The following CNTNAP5 variants were observed in gnomAD, a reference collection of about 807,000 sequenced individuals.
CNTNAP5 encodes contactin-associated protein-like 5.
In CNTNAP5, 72 loss-of-function variants were observed where a neutral mutation model predicts 150.2. That is an observed-to-expected ratio of 0.48 (90% CI 0.40 to 0.58). CNTNAP5 has a LOEUF of 0.58. Among genes scored for constraint, CNTNAP5 ranks in the 20% least tolerant of loss-of-function variants. The probability of loss-of-function intolerance (pLI) is 0.00; values close to 1 mark genes in which losing one functional copy is unlikely to be tolerated. For synonymous variants in CNTNAP5, 672 were observed against 619.8 expected, an observed-to-expected ratio of 1.08 and a Z score of -1.25; for missense variants, 1,636 against 1,626.2, an observed-to-expected ratio of 1.01 and a Z score of -0.10.
chr2:124,190,421 T>C lies in CNTNAP5; in HGVS notation c.83-31284T>C, dbSNP rs571483121. Among the ~76,000 whole-genome samples, 86 of 152,286 alleles carry C rather than the reference T, an allele frequency of 5.6e-4. 1 individual carries two copies. The South Asian group carries it at 0.017, about 29-fold the overall frequency. On this transcript the variant is annotated intron_variant, in intron 1 of 23. Coordinates refer to ENST00000682447, the MANE Select transcript of CNTNAP5 (RefSeq NM_001367498.1). ...TTTCCACTTACACACTTTTTCCCTG[T>C]GTGAGTTGAGGACTCAACTGGCAGA... is the stretch of plus-strand genomic sequence containing the variant.
At chr2:124,036,584 A>G (rs532724849) in intron 1 of CNTNAP5, among the ~76,000 whole-genome samples, 2 of 152,190 alleles carry the variant, frequency 1.3e-5, no homozygotes, top group South Asian at 4.1e-4. Context: ...TTCTGCAACA[A>G]TCAGGAACCC....
At chr2:124,845,725 A>G (rs1382659786) in intron 19 of CNTNAP5, among the ~76,000 whole-genome samples, 3 of 151,948 alleles carry the variant, frequency 2.0e-5, no homozygotes, top group Non-Finnish European at 4.4e-5. Flanking sequence ...ACGGTTGTGT[A>G]TTTCCAGGAA....
intron 1 of CNTNAP5, among the ~76,000 whole-genome samples, chr2:124,203,842 C>T (rs536300711): frequency 5.9e-5 from 9 of 152,324 alleles, no homozygotes; most frequent in Admixed American, 2.0e-4. Context: ...GCCTCCAGGC[C>T]TGTGATGGAA....
At chr2:124,503,934 T>A (rs141723406) in intron 7 of CNTNAP5, among the ~76,000 whole-genome samples, 1 of 152,344 alleles carries the variant, frequency 6.6e-6, no homozygotes, top group Non-Finnish European at 1.5e-5. Flanking sequence ...TATCCCTTTT[T>A]TAGCACGTTC....
chr2:124,546,523 C>T (rs547643290), intron 10 of CNTNAP5, among the ~76,000 whole-genome samples: 3 of 152,232 alleles, frequency 2.0e-5, no homozygotes, highest in Non-Finnish European at 2.9e-5. Context: ...TTTGGAAATG[C>T]GGCCCTAGAG....
At chr2:124,321,629 A>C (rs191035195) in intron 3 of CNTNAP5, among the ~76,000 whole-genome samples, 12 of 152,232 alleles carry the variant, frequency 7.9e-5, no homozygotes, top group African/African-American at 2.6e-4. Flanking sequence ...AAAAACAAAA[A>C]TGTTTTAATA....
chr2:124,102,913 T>G (rs1216413787), intron 1 of CNTNAP5, among the ~76,000 whole-genome samples: 1 of 152,188 alleles, frequency 6.6e-6, no homozygotes, highest in African/African-American at 2.4e-5. Context: ...TTTATCCACA[T>G]ATAAGAAATT....
At chr2:124,880,355 G>A (rs932540747) in intron 21 of CNTNAP5, among the ~76,000 whole-genome samples, 1 of 152,090 alleles carries the variant, frequency 6.6e-6, no homozygotes, top group Admixed American at 6.6e-5. Context: ...CTGCTTCTTA[G>A]TGAGGAAAAT....
chr2:124,699,469 A>C (rs371755700), intron 13 of CNTNAP5, among the ~76,000 whole-genome samples: 1 of 152,138 alleles, frequency 6.6e-6, no homozygotes, highest in African/African-American at 2.4e-5. Flanking sequence ...AGGACATTCA[A>C]TGCTGAGCGA....
At position 124,676,209 on chromosome 2, in the gene CNTNAP5, A is replaced by T. The variant is rs59411641; in HGVS notation, c.2077+28251A>T. On this transcript the variant is annotated intron_variant, in intron 13 of 23. Transcript: ENST00000682447. ...TGTCTCTGACTTGTGTTGTAACATTACTTAAATGCAAGCAGTTTACAACTC... is the reference window on the plus strand; with the variant it reads ...TGTCTCTGACTTGTGTTGTAACATTTCTTAAATGCAAGCAGTTTACAACTC... 8.8e-3 allele frequency among the ~76,000 whole-genome samples: 1,333 copies of T among 152,306 alleles called. 26 individuals carry two copies. Among genetic ancestry groups the T allele is most frequent in the African/African-American group, 0.031 (1,271 of 41,570 alleles).
chr2:124,869,411 A>G (rs1677698257), intron 20 of CNTNAP5, among the ~76,000 whole-genome samples: 1 of 152,290 alleles, frequency 6.6e-6, no homozygotes, highest in South Asian at 2.1e-4. Flanking sequence ...CTGTGGGGAG[A>G]TAAATACCTA....
At chr2:124,536,057 G>A (rs760427814) in intron 10 of CNTNAP5, among the ~76,000 whole-genome samples, 8 of 152,084 alleles carry the variant, frequency 5.3e-5, no homozygotes, top group Non-Finnish European at 1.0e-4. Flanking sequence ...TACATTGGGC[G>A]CCAGAAAAGC....
At chr2:124,598,800 C>T (rs565704868) in intron 11 of CNTNAP5, among the ~76,000 whole-genome samples, 3 of 152,166 alleles carry the variant, frequency 2.0e-5, no homozygotes, top group African/African-American at 2.4e-5. Context: ...AGCGAGATTC[C>T]GTGGGCATAG....
At chr2:124,565,555 T>A (rs1696001329) in intron 11 of CNTNAP5, among the ~76,000 whole-genome samples, 1 of 145,698 alleles carries the variant, frequency 6.9e-6, no homozygotes, top group Admixed American at 6.8e-5. Flanking sequence ...AGAGATTGAA[T>A]TTAAATTTTA....
chr2:124,296,504 T>C (rs1247018648), intron 3 of CNTNAP5, among the ~76,000 whole-genome samples: 1 of 152,190 alleles, frequency 6.6e-6, no homozygotes, highest in Non-Finnish European at 1.5e-5. Context: ...TGTCACCAAA[T>C]ATCTGCTACC....
In CNTNAP5 at chr2:124,834,791, G is replaced by GTATATATATA. The variant is rs35344366; in HGVS notation, c.3218-30506_3218-30497dup. On this transcript the variant is annotated intron_variant, in intron 19 of 23. Transcript: ENST00000682447. ...AAAGATACCTTTAAAATATTTCACA[G>GTATATATATA]TATATATATATATATATACTTATCA... is the stretch of plus-strand genomic sequence containing the variant. Among the ~76,000 whole-genome samples, 78 of 147,526 alleles carry GTATATATATA rather than the reference G, an allele frequency of 5.3e-4. 1 individual carries two copies. Among genetic ancestry groups the GTATATATATA allele is most frequent in the Middle Eastern group, 3.5e-3 (1 of 282 alleles).
chr2:124,656,186 T>G lies in CNTNAP5; in HGVS notation c.2077+8228T>G, dbSNP rs150561752. On this transcript the variant is annotated intron_variant, in intron 13 of 23. Transcript: ENST00000682447. ...TAAATGACAATGTCATCTTCAAAAT[T>G]TTACATGAATAGTCAACTACCCTAA... is the stretch of plus-strand genomic sequence containing the variant. Among the ~76,000 whole-genome samples, 286 of 152,232 alleles carry G rather than the reference T, an allele frequency of 1.9e-3. 2 individuals are homozygous for G. The highest frequency in any genetic ancestry group is 6.4e-3 in the African/African-American group (267 of 41,550).
chr2:124,805,092 C>T (rs1283013546), intron 19 of CNTNAP5, among the ~76,000 whole-genome samples: 4 of 151,952 alleles, frequency 2.6e-5, no homozygotes, highest in Admixed American at 1.3e-4. Flanking sequence ...ATGTGCAGTG[C>T]GTAGAGGCAG....
chr2:124,033,819 C>G lies in CNTNAP5; in HGVS notation c.82+8087C>G, dbSNP rs72976577. Among the ~76,000 whole-genome samples, 940 of 152,184 alleles carry G rather than the reference C, an allele frequency of 6.2e-3. 12 individuals are homozygous for G. Among genetic ancestry groups the G allele is most frequent in the African/African-American group, 0.021 (866 of 41,520 alleles). On this transcript the variant is annotated intron_variant, in intron 1 of 23. Transcript: ENST00000682447. Reference sequence around the variant, plus strand: ...GGGTAGAGTTGTGTGGGGAAGGGAGCCTTCCAATTCATATAGATAAGCTTT... The same window carrying G: ...GGGTAGAGTTGTGTGGGGAAGGGAGGCTTCCAATTCATATAGATAAGCTTT...
Sources: gnomAD v4.1 joint callset for allele counts (sites outside exome capture counted in the v4.1 genomes callset) on GRCh38, gnomAD v4.1.1 for gene constraint, MANE v1.5 for transcripts, NCBI Gene and HGNC (gene_info 2026-07-23, HGNC 2026-07-21) for gene names.